Variants in PARD3B observed in about 807,000 individuals in gnomAD.
PARD3B encodes par-3 family cell polarity regulator beta.
Under a neutral mutation model 130.2 loss-of-function variants are expected in PARD3B, and 103 were observed. The ratio of observed to expected loss-of-function variants is 0.79; its 90% CI spans 0.67 to 0.93. PARD3B has a LOEUF of 0.93. Among genes scored for constraint, PARD3B ranks in the 40% least tolerant of loss-of-function variants. The pLI is 0.00. For missense variants in PARD3B, 1,609 were observed against 1,499.2 expected, an observed-to-expected ratio of 1.07 and a Z score of -1.21; for synonymous variants, 583 against 553.2, an observed-to-expected ratio of 1.05 and a Z score of -0.76.
At chr2:204,897,870 T>G (rs76277090) in intron 2 of PARD3B, among the ~76,000 whole-genome samples, 9,347 of 150,308 alleles carry the variant, frequency 0.062, 326 homozygotes, top group Middle Eastern at 0.099. Context: ...TAATAAACCT[T>G]TAAAGTAAAA....
At chr2:204,585,404 C>A (rs1204627819) in intron 1 of PARD3B, among the ~76,000 whole-genome samples, 1 of 152,100 alleles carries the variant, frequency 6.6e-6, no homozygotes, top group African/African-American at 2.4e-5. Context: ...GCAATCATAG[C>A]TCACTGTAAC....
rs557536082 is a variant in PARD3B at position 205,124,539 on chromosome 2, A to G, written c.1305+73A>G. ...AATAATGCCATTTAATTGCATTGAA[A>G]TATATGTAAATATATTAATATTTTT... On this transcript the variant is annotated intron_variant, in intron 9 of 22. Transcript: ENST00000406610. The G allele has an allele frequency of 1.5e-3, 1,468 of 1,004,058 alleles. 2 individuals are homozygous for G. The highest frequency in any genetic ancestry group is 1.8e-3 in the Non-Finnish European group (1,370 of 759,280). 62.2% of individuals were successfully genotyped at this position (1,004,058 alleles called of 1,614,324 possible).
At chr2:204,747,969 A>G (rs2040310962) in intron 2 of PARD3B, among the ~76,000 whole-genome samples, 2 of 152,136 alleles carry the variant, frequency 1.3e-5, no homozygotes, top group Non-Finnish European at 2.9e-5. Flanking sequence ...CTCAGAGTTG[A>G]GTAAGACTAC....
At chr2:205,501,878 C>G (rs2050170760) in intron 21 of PARD3B, among the ~76,000 whole-genome samples, 1 of 152,062 alleles carries the variant, frequency 6.6e-6, no homozygotes, top group Non-Finnish European at 1.5e-5. Flanking sequence ...AACGTGTAAC[C>G]AGACCATCTA....
chr2:205,566,846 T>C (rs2053357318), intron 22 of PARD3B, among the ~76,000 whole-genome samples: 1 of 152,266 alleles, frequency 6.6e-6, no homozygotes, highest in African/African-American at 2.4e-5. Flanking sequence ...CTTCTGTGGC[T>C]GTGACATGCC....
intron 18 of PARD3B, among the ~76,000 whole-genome samples, chr2:205,303,815 A>G (rs1330698775): frequency 6.6e-6 from 1 of 152,046 alleles, no homozygotes; most frequent in Admixed American, 6.5e-5. Flanking sequence ...ATTACCTCCA[A>G]ATTCCCTAAG....
rs531530189 is a variant in PARD3B, at chr2:205,594,365, T to C, written c.3261-21091T>C. 5.9e-5 allele frequency among the ~76,000 whole-genome samples: 9 copies of C among 152,284 alleles called. 1 individual carries two copies. The highest frequency in any genetic ancestry group is 2.2e-4 in the African/African-American group (9 of 41,570). On this transcript the variant is annotated intron_variant, in intron 22 of 22. Coordinates refer to ENST00000406610, the MANE Select transcript of PARD3B (RefSeq NM_001302769.2). Reference sequence around the variant, plus strand: ...AGGTAAGGTGATGGAAATTTTAGTCTGCCTCTCAGGACACTTCCCCTCTTT... The same window carrying C: ...AGGTAAGGTGATGGAAATTTTAGTCCGCCTCTCAGGACACTTCCCCTCTTT...
rs2054072809 is a variant in PARD3B, at chr2:205,583,404, C to CGT, written c.3260+30002_3260+30003insTG. 5.1e-4 allele frequency among the ~76,000 whole-genome samples: 10 copies of CGT among 19,558 alleles called. No individual in the cohort carries two copies. In the South Asian group the frequency reaches 9.7e-3, roughly 19 times the overall value. 12.8% of individuals were successfully genotyped at this position (19,558 alleles called of 152,430 possible). ...GTGTGTGTGTGTGTGTGTGTGTGCG[C>CGT]GCGCACGCGCGTGTGAGAGAGAGAG... On this transcript the variant is annotated intron_variant, in intron 22 of 22. Coordinates refer to ENST00000406610, the MANE Select transcript of PARD3B (RefSeq NM_001302769.2).
chr2:204,813,267 A>G (rs2043027764), intron 2 of PARD3B, among the ~76,000 whole-genome samples: 1 of 152,044 alleles, frequency 6.6e-6, no homozygotes, highest in Admixed American at 6.5e-5. Flanking sequence ...TATGATTTGC[A>G]TTTCCCTAAT....
chr2:205,173,361 T>G (rs1273023498), intron 12 of PARD3B, among the ~76,000 whole-genome samples: 1 of 152,212 alleles, frequency 6.6e-6, no homozygotes, highest in Non-Finnish European at 1.5e-5. Flanking sequence ...TGCTTGGGTT[T>G]CAATCCTAGA....
chr2:205,025,345 C>T (rs1696935861), intron 3 of PARD3B, among the ~76,000 whole-genome samples: 1 of 152,134 alleles, frequency 6.6e-6, no homozygotes, highest in South Asian at 2.1e-4. Flanking sequence ...CTGTCATTGC[C>T]AAAAGTGTCA....
intron 3 of PARD3B, among the ~76,000 whole-genome samples, chr2:205,009,705 T>C (rs1034123001): frequency 2.5e-4 from 38 of 151,824 alleles, no homozygotes; most frequent in Non-Finnish European, 5.1e-4. Flanking sequence ...CACACCAACA[T>C]ATTAATAAGT....
intron 11 of PARD3B, among the ~76,000 whole-genome samples, chr2:205,168,320 A>AGAGAGAGAGAGT (rs371904121): frequency 0.031 from 3,742 of 119,460 alleles, 84 homozygotes; most frequent in African/African-American, 0.05. Flanking sequence ...AGAGAGAGAG[A>AGAGAGAGAGAGT]GTGTGTGTGT....
intron 2 of PARD3B, among the ~76,000 whole-genome samples, chr2:204,719,023 A>G (rs1358493559): frequency 6.6e-6 from 1 of 152,232 alleles, no homozygotes; most frequent in African/African-American, 2.4e-5. Context: ...ACACATTGGG[A>G]GAAGTTATGA....
At position 205,352,791 on chromosome 2, in the gene PARD3B, C is replaced by A. The variant is rs1403912759; in HGVS notation, c.2631-48222C>A. On this transcript the variant is annotated intron_variant, in intron 18 of 22. Coordinates refer to ENST00000406610, the MANE Select transcript of PARD3B (RefSeq NM_001302769.2). This position sits in a 1 kb window ranked among gnomAD's most constrained non-coding sequence, Gnocchi z 5.2. ...GTCATTTTCAGCCCCTGACTTGTTC[C>A]TGGGGCTGCTGATTCATCTGTTTTC... 1.3e-5 allele frequency among the ~76,000 whole-genome samples: 2 copies of A among 152,144 alleles called. No individual in the cohort carries two copies. The highest frequency in any genetic ancestry group is 4.8e-5 in the African/African-American group (2 of 41,418).
rs184737655 is a variant in PARD3B at position 204,569,535 on chromosome 2, C to A, written c.120+23416C>A. ...GTGAATCACTGTATTAAATTCACCT[C>A]CTGCAGTCATGGGCTAGGCGGTGTC... is the stretch of plus-strand genomic sequence containing the variant. On this transcript the variant is annotated intron_variant, in intron 1 of 22. Transcript: ENST00000406610. Among the ~76,000 whole-genome samples the A allele has an allele frequency of 2.6e-3, 394 of 152,268 alleles. 2 individuals carry two copies. Among genetic ancestry groups the A allele is most frequent in the African/African-American group, 9.3e-3 (387 of 41,554 alleles).
In PARD3B at chr2:205,470,909, A is replaced by G. The variant is rs2048802911; in HGVS notation, c.3045-28987A>G. Among the ~76,000 whole-genome samples, 1 of 152,226 alleles carries G rather than the reference A, an allele frequency of 6.6e-6. No homozygotes were observed. On this transcript the variant is annotated intron_variant, in intron 20 of 22. Coordinates refer to ENST00000406610, the MANE Select transcript of PARD3B (RefSeq NM_001302769.2). The surrounding 1 kb of genome is among the most constrained non-coding windows in gnomAD (Gnocchi z 4.8). ...TACTTTAAAACAAAGTGTGTTTTCA[A>G]GTGTTTCACGTGTGTTTCAAGTTTA...
intron 19 of PARD3B, among the ~76,000 whole-genome samples, chr2:205,417,074 C>A (rs1328893514): frequency 2.7e-4 from 27 of 98,560 alleles, no homozygotes; most frequent in African/African-American, 8.8e-4. Flanking sequence ...TGCTATCCCT[C>A]CCCCCTCCCC....
At chr2:204,690,459 T>C (rs1339010868) in intron 2 of PARD3B, among the ~76,000 whole-genome samples, 2 of 152,128 alleles carry the variant, frequency 1.3e-5, no homozygotes, top group African/African-American at 4.8e-5. Flanking sequence ...ACAAGCATCC[T>C]TATAAATGAA....
Sources: allele counts gnomAD v4.1 joint callset (sites outside exome capture counted in the v4.1 genomes callset), GRCh38; gene constraint gnomAD v4.1.1; non-coding constraint Gnocchi (gnomAD v3.1); transcripts MANE v1.5; gene names NCBI Gene and HGNC (gene_info 2026-07-23, HGNC 2026-07-21).